The following POLN variants were observed in gnomAD, a reference collection of about 807,000 sequenced individuals.
POLN encodes DNA polymerase nu, also known as DNA polymerase N.
A neutral mutation model predicts 113.5 loss-of-function variants in POLN; 108 were observed. The ratio of observed to expected loss-of-function variants is 0.95; its 90% CI spans 0.81 to 1.12. The LOEUF (loss-of-function observed/expected upper bound fraction) is 1.12. POLN is among the 50% of genes most tolerant of loss of function. The pLI is 0.00. For missense variants in POLN, 1,097 were observed against 1,077.1 expected (o/e 1.02, Z -0.26); for synonymous variants, 386 against 391.5 (o/e 0.99, Z 0.17).
intron 3 of POLN, among the ~76,000 whole-genome samples, chr4:2,225,909 G>A (rs1734375251): frequency 6.6e-6 from 1 of 151,946 alleles, no homozygotes; most frequent in Non-Finnish European, 1.5e-5. Context: ...GCTGAGGTGG[G>A]AAGATTGCTT....
At position 2,078,618 on chromosome 4, in the gene POLN, ACT is replaced by A. The variant is rs1476779550; in HGVS notation, c.2387+2338_2387+2339del. 5 of 985,266 alleles carry A rather than the reference ACT, an allele frequency of 5.1e-6. No homozygotes were observed. The African/African-American group carries it at 7.0e-5, about 14-fold the overall frequency. 61.0% of individuals were successfully genotyped at this position (985,266 alleles called of 1,614,324 possible). A position where few individuals can be genotyped will look rare whatever the true frequency, so the allele number is the denominator to read the frequency against. On this transcript the variant is annotated intron_variant, in intron 23 of 25. Transcript: ENST00000511885. ...GCTTCAGCGAGAGATGCCTGGCCAC[ACT>A]GAGCCTGCACCCGTCCCTTCCAGAC...
chr4:2,088,779 CA>C, intron 20 of POLN: 1 of 1,331,908 alleles, frequency 7.5e-7, no homozygotes, highest in Non-Finnish European at 1.0e-6. Context: ...GATTTGAAGT[CA>C]AATGGTATTA....
At chr4:2,213,724 T>C (rs1199000619) in intron 3 of POLN, among the ~76,000 whole-genome samples, 1 of 151,960 alleles carries the variant, frequency 6.6e-6, no homozygotes, top group Non-Finnish European at 1.5e-5. Flanking sequence ...ACATTATACT[T>C]AGGATAAATA....
intron 7 of POLN, among the ~76,000 whole-genome samples, chr4:2,181,155 G>GT (rs1224231118): frequency 6.6e-6 from 1 of 152,018 alleles, no homozygotes; most frequent in East Asian, 1.9e-4. Flanking sequence ...TGTTTTGTTT[G>GT]TTTTTTTGAG....
chr4:2,090,931 C>A (rs1730649072), intron 20 of POLN, among the ~76,000 whole-genome samples: 1 of 152,214 alleles, frequency 6.6e-6, no homozygotes, highest in Non-Finnish European at 1.5e-5. Context: ...ATTTCACTTT[C>A]CAGATCCTCT....
At chr4:2,080,032 T>C in intron 23 of POLN, 6 of 985,374 alleles carry the variant, frequency 6.1e-6, no homozygotes, top group Non-Finnish European at 7.2e-6. Context: ...GCCAAGAGCT[T>C]GAGGGCTCTT....
rs1731593033 is a variant in POLN, at chr4:2,126,822, G to A, written c.1982+1291C>T. Among the ~76,000 whole-genome samples, 1 of 152,172 alleles carries A rather than the reference G, an allele frequency of 6.6e-6. No individual in the cohort carries two copies. The highest frequency in any genetic ancestry group is 1.5e-5 in the Non-Finnish European group (1 of 68,032). ...CGGGTAACTGGTGAGCTCAGGCCTA[G>A]CCAGGGCAGCTGAAGAGGGAGCACC... On this transcript the variant is annotated intron_variant, in intron 19 of 25. Transcript: ENST00000511885. The surrounding 1 kb of genome is among the most constrained non-coding windows in gnomAD (Gnocchi z 4.6).
At position 2,101,111 on chromosome 4, in the gene POLN, C is replaced by CA. The variant is rs563635385; in HGVS notation, c.1983-5179dup. On this transcript the variant is annotated intron_variant, in intron 19 of 25. Transcript: ENST00000511885. ...TAGATCTTTGTTGCCACACAAATCA[C>CA]AAAAATGGGGTCCAGATTGAGTACA... Among the ~76,000 whole-genome samples, 483 of 149,306 alleles carry CA rather than the reference C, an allele frequency of 3.2e-3. 2 individuals are homozygous for CA. The highest frequency in any genetic ancestry group is 5.4e-3 in the Admixed American group (81 of 15,012).
At chr4:2,219,659 T>C (rs555930115) in intron 3 of POLN, among the ~76,000 whole-genome samples, 2 of 152,254 alleles carry the variant, frequency 1.3e-5, no homozygotes, top group South Asian at 4.2e-4. Context: ...AAATAGAGCA[T>C]CCAGAGCGCC....
At chr4:2,216,117 G>A (rs778842332) in intron 3 of POLN, among the ~76,000 whole-genome samples, 7 of 152,148 alleles carry the variant, frequency 4.6e-5, no homozygotes, top group African/African-American at 1.4e-4. Flanking sequence ...TCCACCTGAC[G>A]CCCACGGTCA....
At chr4:2,171,415 G>A (rs1220049891) in intron 11 of POLN, among the ~76,000 whole-genome samples, 1 of 137,098 alleles carries the variant, frequency 7.3e-6, no homozygotes, top group Non-Finnish European at 1.6e-5. Flanking sequence ...AAAAAAATTA[G>A]CCAGGCATGG....
chr4:2,226,218 C>T (rs1449821103), intron 3 of POLN, among the ~76,000 whole-genome samples: 1 of 152,166 alleles, frequency 6.6e-6, no homozygotes, highest in Non-Finnish European at 1.5e-5. Context: ...CTTGGAGCCT[C>T]CCTTGGAAAT....
chr4:2,118,878 T>C (rs905951225), intron 19 of POLN, among the ~76,000 whole-genome samples: 3 of 152,156 alleles, frequency 2.0e-5, no homozygotes, highest in Non-Finnish European at 4.4e-5. Flanking sequence ...CTATCAAAAA[T>C]TTTACCAGCA....
In POLN at chr4:2,208,425, G is replaced by A. The variant is rs1560094343; in HGVS notation, c.276C>T (p.Phe92=). ...ACAGCTGATCTGTGAGCCTGACACT[G>A]AAGGACTGAGGAGACAGCTTGGCAG... ...RGSAKLSPQS[F]SVRLTDQLSA... is the part of the protein sequence containing the mutation. The change falls in exon 5 of 26, where the codon TTC becomes TTT. Residue 92 remains phenylalanine (F), a synonymous_variant. Coordinates refer to ENST00000511885, the MANE Select transcript of POLN (RefSeq NM_181808.4). 2.5e-6 allele frequency: 4 copies of A among 1,602,956 alleles called. No homozygotes were observed. The highest frequency in any genetic ancestry group is 3.4e-6 in the Non-Finnish European group (4 of 1,176,782).
rs530335133 is a variant in POLN, at chr4:2,072,272, C to T, written c.2545G>A (p.Gly849Ser). 1.9e-5 allele frequency: 31 copies of T among 1,590,292 alleles called. No individual in the cohort carries two copies. Among genetic ancestry groups the T allele is most frequent in the African/African-American group, 1.5e-4 (11 of 73,746 alleles). ...GGCACCAGGTGTCCCCATGAGCGGC[C>T]GGCACTCAGGCTCACCTTGAGGGGT... Reference protein sequence around the residue: ...QVPLKVSLSAGRSWGHLVPLQ... With the variant: ...QVPLKVSLSASRSWGHLVPLQ... The change falls in exon 26 of 26, where the codon GGC becomes AGC. Residue 849 changes from glycine to serine, a missense_variant. By Grantham distance (56) the Gly-to-Ser change is moderately conservative (BLOSUM62 0). Transcript: ENST00000511885.
rs34540339 is a variant in POLN, at chr4:2,193,829, G to T, written c.909-513C>A. On this transcript the variant is annotated intron_variant, in intron 6 of 25. Transcript: ENST00000511885. ...ACTGTTCAAGGGCCATCTTCAGGAAGGTATGCCCTAATTCCCCAGGCAGGG... is the reference window on the plus strand; with the variant it reads ...ACTGTTCAAGGGCCATCTTCAGGAATGTATGCCCTAATTCCCCAGGCAGGG... 5.3e-5 allele frequency among the ~76,000 whole-genome samples: 8 copies of T among 152,250 alleles called. No individual in the cohort carries two copies. The East Asian group carries it at 1.4e-3, about 26-fold the overall frequency.
intron 22 of POLN, 189 bp from the exon 23 acceptor site, chr4:2,081,225 C>T (rs1313985891): frequency 6.5e-7 from 1 of 1,533,504 alleles, no homozygotes; most frequent in Non-Finnish European, 8.8e-7. Context: ...CCCTCTTGCT[C>T]CTGCAGGGCA....
At chr4:2,129,050 T>C (rs1731655295) in intron 18 of POLN, 129 bp downstream of exon 18, 1 of 633,212 alleles carries the variant, frequency 1.6e-6, no homozygotes, top group Non-Finnish European at 2.5e-6. Context: ...AGCGAGACTC[T>C]TGTCTCAAAA....
intron 20 of POLN, among the ~76,000 whole-genome samples, chr4:2,086,585 A>G (rs1185207366): frequency 1.3e-5 from 2 of 152,176 alleles, no homozygotes; most frequent in East Asian, 3.8e-4. Context: ...CTCAATATAC[A>G]CTCATTCCCT....
Sources: allele counts gnomAD v4.1 joint callset (sites outside exome capture counted in the v4.1 genomes callset), GRCh38; gene constraint gnomAD v4.1.1; non-coding constraint Gnocchi (gnomAD v3.1); transcripts MANE v1.5; gene names NCBI Gene and HGNC (gene_info 2026-07-23, HGNC 2026-07-21).